Variants in IRGQ observed in about 807,000 individuals in gnomAD.
IRGQ encodes immunity related GTPase Q, also known as immunity-related GTPase family Q protein.
A neutral mutation model predicts 10.5 loss-of-function variants in IRGQ; 5 were observed. The observed-to-expected ratio is 0.48, with a 90% CI of 0.25 to 1.00. The LOEUF (loss-of-function observed/expected upper bound fraction) is 1.00. Ranked by LOEUF, IRGQ falls within the 50% of genes least tolerant of loss-of-function variation. The pLI is 0.16. For missense variants in IRGQ, 792 were observed against 877.7 expected (o/e 0.90, Z 1.23); for synonymous variants, 418 against 426.0 (o/e 0.98, Z 0.23).
rs990896377 is a variant in IRGQ, at chr19:43,587,300, A to C, written c.*4726T>G. The C allele has an allele frequency of 2.0e-5, 3 of 152,234 alleles. No homozygotes were observed. The highest frequency in any genetic ancestry group is 7.2e-5 in the African/African-American group (3 of 41,458). 9.4% of individuals were successfully genotyped at this position (152,234 alleles called of 1,614,324 possible). On this transcript the variant is annotated 3_prime_UTR_variant, in exon 3 of 3. Transcript: ENST00000422989. Reference sequence around the variant, plus strand: ...AGCTGAGGTCATGCCACTGCACTCCAGCCTGGGTGACAAAGTGAGACTCTG... The same window carrying C: ...AGCTGAGGTCATGCCACTGCACTCCCGCCTGGGTGACAAAGTGAGACTCTG...
rs919574068 is a variant in IRGQ, at chr19:43,592,617, C to T, written c.1281G>A (p.Ala427=). The stretch of plus-strand genomic sequence containing the variant: ...GCCGTAGGGGGAACACTGGCGGCGG[C>T]GCCTCCTCCAGCACCTCCCACGTCT... The part of the protein sequence containing the change: ...EDETWEVLEE[A]PPPVFPLRPG... The change falls in exon 3 of 3, where the codon GCG becomes GCA. Residue 427 remains alanine (A), a synonymous_variant. Coordinates refer to ENST00000422989, the MANE Select transcript of IRGQ (RefSeq NM_001007561.3). 1 of 1,601,616 alleles carries T rather than the reference C, an allele frequency of 6.2e-7. No homozygotes were observed. The highest frequency in any genetic ancestry group is 1.7e-5 in the Admixed American group (1 of 60,020).
In IRGQ at chr19:43,589,116, T is replaced by C. The variant is rs904109407; in HGVS notation, c.*2910A>G. The C allele has an allele frequency of 1.3e-5, 2 of 152,174 alleles. No individual in the cohort carries two copies. The highest frequency in any genetic ancestry group is 4.8e-5 in the African/African-American group (2 of 41,436). 9.4% of individuals were successfully genotyped at this position (152,174 alleles called of 1,614,324 possible). Reference sequence around the variant, plus strand: ...TTATCCAGCTCTTTTATTTCACAGATGGGAAAATAAGGCACTGTCCAAGTA... The same window carrying C: ...TTATCCAGCTCTTTTATTTCACAGACGGGAAAATAAGGCACTGTCCAAGTA... On this transcript the variant is annotated 3_prime_UTR_variant, in exon 3 of 3. Transcript: ENST00000422989.
rs931717078 is a variant in IRGQ, at chr19:43,594,989, C to A, written c.350G>T (p.Arg117Leu). The change falls in exon 2 of 3, where the codon CGT (arginine) becomes CTT (leucine). Residue 117 changes from arginine to leucine, a missense_variant. Arg to Leu is a moderately radical substitution (Grantham distance 102). Transcript: ENST00000422989. ...GTPLLAVRNL[R>L]PGDSQTAAQA... Reference sequence around the variant, plus strand: ...GGCGGCAGTCTGTGAATCCCCAGGACGGAGGTTCCGCACAGCCAGTAGCGG... The same window carrying A: ...GGCGGCAGTCTGTGAATCCCCAGGAAGGAGGTTCCGCACAGCCAGTAGCGG... 7 of 1,613,740 alleles carry A rather than the reference C, an allele frequency of 4.3e-6. No homozygotes were observed. The highest frequency in any genetic ancestry group is 5.9e-6 in the Non-Finnish European group (7 of 1,179,960).
In IRGQ at chr19:43,592,359, C is replaced by A; in HGVS notation, c.1539G>T (p.Leu513=). The part of the protein sequence containing the change: ...ACDVALLRGQ[L]AEWRRGLGLE... Reference sequence around the variant, plus strand: ...GCCCCAGGCCCCGTCGCCACTCCGCCAGCTGACCCCGCAGAAGTGCCACGT... The same window carrying A: ...GCCCCAGGCCCCGTCGCCACTCCGCAAGCTGACCCCGCAGAAGTGCCACGT... Residue 513 remains leucine (L), a synonymous_variant, in exon 3 of 3, where the codon CTG becomes CTT. Coordinates refer to ENST00000422989, the MANE Select transcript of IRGQ (RefSeq NM_001007561.3). 6.3e-7 allele frequency: 1 copy of A among 1,575,992 alleles called. No homozygotes were observed. Among genetic ancestry groups the A allele is most frequent in the Non-Finnish European group, 8.6e-7 (1 of 1,169,208 alleles).
In IRGQ at chr19:43,592,968, C is replaced by T. The variant is rs774952041; in HGVS notation, c.930G>A (p.Glu310=). 6.2e-7 allele frequency: 1 copy of T among 1,609,424 alleles called. No homozygotes were observed. The highest frequency in any genetic ancestry group is 8.5e-7 in the Non-Finnish European group (1 of 1,179,946). Residue 310 remains glutamate (E), a synonymous_variant, in exon 3 of 3, where the codon GAG becomes GAA. Coordinates refer to ENST00000422989, the MANE Select transcript of IRGQ (RefSeq NM_001007561.3). ...AGGCCTGGACCTGGGCCCAGTCCTTCTCAGTGGGGGCCCCAGGGGTGACGA... is the reference window on the plus strand; with the variant it reads ...AGGCCTGGACCTGGGCCCAGTCCTTTTCAGTGGGGGCCCCAGGGGTGACGA... ...LILVTPGAPT[E]KDWAQVQALL...
At position 43,584,714 on chromosome 19, in the gene IRGQ, A is replaced by T. The variant is rs1250586080; in HGVS notation, c.*7312T>A. On this transcript the variant is annotated 3_prime_UTR_variant, in exon 3 of 3. Coordinates refer to ENST00000422989, the MANE Select transcript of IRGQ (RefSeq NM_001007561.3). ...TCTTTTGCTGGTCTCAGCTGGGTTC[A>T]GCTGCCTATCAGCTAGGGAGCTCTG... The T allele has an allele frequency of 6.6e-6, 1 of 152,246 alleles. No homozygotes were observed. Among genetic ancestry groups the T allele is most frequent in the Non-Finnish European group, 1.5e-5 (1 of 68,044 alleles). The allele number at this position is 152,246 out of a possible 1,614,324, so 9.4% of individuals were successfully genotyped here. A position where few individuals can be genotyped will look rare whatever the true frequency, so the allele number is the denominator to read the frequency against.
chr19:43,593,464 C>G lies in IRGQ; in HGVS notation c.531-97G>C. The G allele has an allele frequency of 7.9e-7, 1 of 1,264,852 alleles. No individual in the cohort carries two copies. The highest frequency in any genetic ancestry group is 1.0e-6 in the Non-Finnish European group (1 of 958,606). The allele number at this position is 1,264,852 out of a possible 1,614,324, so 78.4% of individuals were successfully genotyped here. A position where few individuals can be genotyped will look rare whatever the true frequency, so the allele number is the denominator to read the frequency against. On this transcript the variant is annotated intron_variant, in intron 2 of 2. Coordinates refer to ENST00000422989, the MANE Select transcript of IRGQ (RefSeq NM_001007561.3). This position sits in a 1 kb window ranked among gnomAD's most constrained non-coding sequence, Gnocchi z 6.4. ...AAGGGCAGAGCTTTCCTAATGATCC[C>G]AGAATGGGGCAGGGGTAGGAAAGGG... is the stretch of plus-strand genomic sequence containing the variant.
rs1973047088 is a variant in IRGQ at position 43,590,907 on chromosome 19, A to G, written c.*1119T>C. 6.6e-6 allele frequency: 1 copy of G among 152,132 alleles called. No individual in the cohort carries two copies. The highest frequency in any genetic ancestry group is 2.4e-5 in the African/African-American group (1 of 41,410). The allele number at this position is 152,132 out of a possible 1,614,324, so 9.4% of individuals were successfully genotyped here. On this transcript the variant is annotated 3_prime_UTR_variant, in exon 3 of 3. Coordinates refer to ENST00000422989, the MANE Select transcript of IRGQ (RefSeq NM_001007561.3). ...AGGAGCTGTCTCTGAGGTATGCTTTACTGCCCTTCCACACCCAAAAGACCT... is the reference window on the plus strand; with the variant it reads ...AGGAGCTGTCTCTGAGGTATGCTTTGCTGCCCTTCCACACCCAAAAGACCT...
chr19:43,594,672 GAA>G (rs773851921), intron 2 of IRGQ, 135 bp downstream of exon 2: 149 of 550,866 alleles, frequency 2.7e-4, no homozygotes, highest in Middle Eastern at 5.7e-4. Flanking sequence ...TGTCTCTCAG[GAA>G]AAAAAAAAAA....
At position 43,588,685 on chromosome 19, in the gene IRGQ, C is replaced by G. The variant is rs1243514137; in HGVS notation, c.*3341G>C. The G allele has an allele frequency of 1.3e-5, 2 of 152,294 alleles. No homozygotes were observed. The highest frequency in any genetic ancestry group is 6.5e-5 in the Admixed American group (1 of 15,286). The allele number at this position is 152,294 out of a possible 1,614,324, so 9.4% of individuals were successfully genotyped here. On this transcript the variant is annotated 3_prime_UTR_variant, in exon 3 of 3. Transcript: ENST00000422989. ...AGTGAGGCGAGATCGTGCCACTGCA[C>G]TCCAGCCTGGGTGATGGAGTGAAAC...
At position 43,586,216 on chromosome 19, in the gene IRGQ, T is replaced by C. The variant is rs1972993057; in HGVS notation, c.*5810A>G. On this transcript the variant is annotated 3_prime_UTR_variant, in exon 3 of 3. Transcript: ENST00000422989. Reference sequence around the variant, plus strand: ...GCCCTGTGGTGCCATGCAGACACACTTCAGTGGCGGCCAGTGATCTGTCTA... The same window carrying C: ...GCCCTGTGGTGCCATGCAGACACACCTCAGTGGCGGCCAGTGATCTGTCTA... 1 of 152,172 alleles carries C rather than the reference T, an allele frequency of 6.6e-6. No homozygotes were observed. The highest frequency in any genetic ancestry group is 1.5e-5 in the Non-Finnish European group (1 of 68,038). 9.4% of individuals were successfully genotyped at this position (152,172 alleles called of 1,614,324 possible).
Position 43,593,275 on chromosome 19 carries a change from G to A in IRGQ, c.623C>T (p.Ala208Val). Reference sequence around the variant, plus strand: ...GCCTGAGCGCACCCACGACAGCGCAGCCTCAAGGCCGCCGGTCTCAAAGGC... The same window carrying A: ...GCCTGAGCGCACCCACGACAGCGCAACCTCAAGGCCGCCGGTCTCAAAGGC... The part of the protein sequence containing the change: ...REAFETGGLE[A>V]ALSWVRSGLE... Residue 208 changes from alanine (A) to valine (V), a missense_variant, in exon 3 of 3, where the codon GCT becomes GTT. Ala to Val is a moderately conservative substitution (Grantham distance 64, BLOSUM62 0). Coordinates refer to ENST00000422989, the MANE Select transcript of IRGQ (RefSeq NM_001007561.3). The surrounding 1 kb of genome is among the most constrained non-coding windows in gnomAD (Gnocchi z 6.4). 1 of 1,594,570 alleles carries A rather than the reference G, an allele frequency of 6.3e-7. No homozygotes were observed. The highest frequency in any genetic ancestry group is 8.6e-7 in the Non-Finnish European group (1 of 1,169,564).
At position 43,592,115 on chromosome 19, in the gene IRGQ, G is replaced by A. The variant is rs1170548960; in HGVS notation, c.1783C>T (p.Arg595Ter). 1.2e-6 allele frequency: 2 copies of A among 1,612,112 alleles called. No individual in the cohort carries two copies. The highest frequency in any genetic ancestry group is 1.7e-6 in the Non-Finnish European group (2 of 1,179,748). Residue 595 changes from arginine (R) to a stop codon, truncating the protein, a stop_gained, in exon 3 of 3, where the codon CGA becomes TGA. Coordinates refer to ENST00000422989, the MANE Select transcript of IRGQ (RefSeq NM_001007561.3). LOFTEE classifies it high-confidence loss of function. ...GAAATGGLGY[R>*]AAHGVLLQAL... ...TGCAGCAGGACGCCGTGAGCCGCTC[G>A]GTAGCCCAGGCCACCTGTCGCCGCT...
In IRGQ at chr19:43,593,355, C is replaced by T. The variant is rs759941723; in HGVS notation, c.543G>A (p.Pro181=). Residue 181 remains proline (P), a synonymous_variant, in exon 3 of 3, where the codon CCG becomes CCA. Coordinates refer to ENST00000422989, the MANE Select transcript of IRGQ (RefSeq NM_001007561.3). The surrounding 1 kb of genome is among the most constrained non-coding windows in gnomAD (Gnocchi z 6.4). Reference sequence around the variant, plus strand: ...CCAACACCTCGAAGCCATCCTGCGCCGGTGGCAGGAGCCTGTGGGGACAAG... The same window carrying T: ...CCAACACCTCGAAGCCATCCTGCGCTGGTGGCAGGAGCCTGTGGGGACAAG... The part of the protein sequence containing the change: ...QAEALRRLLP[P]AQDGFEVLGA... The T allele has an allele frequency of 8.6e-6, 13 of 1,512,128 alleles. No individual in the cohort carries two copies. The highest frequency in any genetic ancestry group is 1.2e-5 in the Non-Finnish European group (13 of 1,128,606). 93.7% of individuals were successfully genotyped at this position (1,512,128 alleles called of 1,614,324 possible).
At chr19:43,594,435 T>C (rs1973100888) in intron 2 of IRGQ, among the ~76,000 whole-genome samples, 1 of 152,062 alleles carries the variant, frequency 6.6e-6, no homozygotes, top group African/African-American at 2.4e-5. Flanking sequence ...TTAGCTACTC[T>C]GGAGGCTGAG....
chr19:43,592,512 C>G lies in IRGQ; in HGVS notation c.1386G>C (p.Leu462Phe). ...GGGCAGCGCTGGGAGATGCTGGTGG[C>G]AACGCCAGCAGCAGTGCCCCTGCCT... ...PAQAGALLLALPPASPSAART... is the reference protein window; with the variant it reads ...PAQAGALLLAFPPASPSAART... Residue 462 changes from leucine (L) to phenylalanine (F), a missense_variant, in exon 3 of 3, where the codon TTG becomes TTC. By Grantham distance (22) the Leu-to-Phe change is conservative. Transcript: ENST00000422989. The G allele has an allele frequency of 6.3e-7, 1 of 1,595,502 alleles. No homozygotes were observed. Among genetic ancestry groups the G allele is most frequent in the Non-Finnish European group, 8.5e-7 (1 of 1,178,356 alleles).
rs776349110 is a variant in IRGQ at position 43,587,320 on chromosome 19, ACT to A, written c.*4704_*4705del. On this transcript the variant is annotated 3_prime_UTR_variant, in exon 3 of 3. Transcript: ENST00000422989. ...ACTCCAGCCTGGGTGACAAAGTGAG[ACT>A]CTGTCTCAAAACAAAACAAAACAAC... 4.0e-5 allele frequency: 6 copies of A among 151,586 alleles called. No individual in the cohort carries two copies. Among genetic ancestry groups the A allele is most frequent in the Non-Finnish European group, 8.8e-5 (6 of 67,844 alleles). The allele number at this position is 151,586 out of a possible 1,614,324, so 9.4% of individuals were successfully genotyped here.
At position 43,594,814 on chromosome 19, in the gene IRGQ, C is replaced by G; in HGVS notation, c.525G>C (p.Leu175=). 6.2e-7 allele frequency: 1 copy of G among 1,602,758 alleles called. No individual in the cohort carries two copies. Residue 175 remains leucine, a synonymous_variant, in exon 2 of 3, where the codon CTG becomes CTC. Transcript: ENST00000422989. ...RAALQSQAEA[L]RRLLPPAQDG... is the part of the protein sequence containing the mutation. Reference sequence around the variant, plus strand: ...GCCAGAAAGCCGGCACTCACCTCCGCAGCGCTTCTGCCTGGCTCTGCAGCG... The same window carrying G: ...GCCAGAAAGCCGGCACTCACCTCCGGAGCGCTTCTGCCTGGCTCTGCAGCG...
chr19:43,593,244 C>T lies in IRGQ; in HGVS notation c.654G>A (p.Glu218=), dbSNP rs753997747. ...GGTCTAGCCGTGCGCTGCCCAGGCG[C>T]TCCAGGCCTGAGCGCACCCACGACA... ...AALSWVRSGL[E]RLGSARLDLA... The change falls in exon 3 of 3, where the codon GAG becomes GAA. Residue 218 remains glutamate, a synonymous_variant. Coordinates refer to ENST00000422989, the MANE Select transcript of IRGQ (RefSeq NM_001007561.3). This position sits in a 1 kb window ranked among gnomAD's most constrained non-coding sequence, Gnocchi z 6.4. The T allele has an allele frequency of 6.9e-6, 11 of 1,596,598 alleles. No individual in the cohort carries two copies. The Admixed American group carries it at 1.7e-4, about 25-fold the overall frequency.
Sources: allele counts gnomAD v4.1 joint callset (sites outside exome capture counted in the v4.1 genomes callset), GRCh38; gene constraint gnomAD v4.1.1; non-coding constraint Gnocchi (gnomAD v3.1); transcripts MANE v1.5; gene names NCBI Gene and HGNC (gene_info 2026-07-23, HGNC 2026-07-21).